TAB2: variants seen among roughly 807,000 people sequenced by gnomAD.
TAB2 encodes TGF-beta-activated kinase 1 and MAP3K7-binding protein 2.
TAB2 carries 3 observed loss-of-function variants against 65.0 expected under a neutral mutation model. That is an observed-to-expected ratio of 0.05 (90% CI 0.02 to 0.12). The LOEUF is 0.12. TAB2 is among the 10% of genes least tolerant of loss of function. The pLI is 1.00. For missense variants in TAB2, 623 were observed against 840.3 expected (o/e 0.74, Z 3.20); for synonymous variants, 298 against 285.1 (o/e 1.05, Z -0.46).
intron 1 of TAB2, among the ~76,000 whole-genome samples, chr6:149,303,161 T>C (rs1225337846): frequency 6.6e-6 from 1 of 152,244 alleles, no homozygotes; most frequent in Non-Finnish European, 1.5e-5. Flanking sequence ...AGGGCTCCCA[T>C]TGATTCTACA....
intron 1 of TAB2, among the ~76,000 whole-genome samples, chr6:149,332,090 G>C (rs973254694): frequency 6.6e-6 from 1 of 152,166 alleles, no homozygotes; most frequent in South Asian, 2.1e-4. Context: ...CAAGCAATTG[G>C]AAGTATGGAG....
intron 1 of TAB2, among the ~76,000 whole-genome samples, chr6:149,271,445 G>A (rs1021360752): frequency 1.3e-5 from 2 of 152,016 alleles, no homozygotes; most frequent in Non-Finnish European, 2.9e-5. Context: ...ATTACCCTCG[G>A]GCCTATTGTT....
At chr6:149,294,368 A>G (rs1356814908) in intron 1 of TAB2, among the ~76,000 whole-genome samples, 3 of 152,122 alleles carry the variant, frequency 2.0e-5, no homozygotes, top group Non-Finnish European at 4.4e-5. Flanking sequence ...TTCTCAGGAC[A>G]CCAATTATAT....
chr6:149,340,759 A>C (rs1780095949), intron 1 of TAB2, among the ~76,000 whole-genome samples: 1 of 152,160 alleles, frequency 6.6e-6, no homozygotes, highest in Non-Finnish European at 1.5e-5. Context: ...TTATCATCTA[A>C]GTTTTAGTAT....
chr6:149,319,393 G>C (rs181750195), intron 1 of TAB2, among the ~76,000 whole-genome samples: 3 of 152,158 alleles, frequency 2.0e-5, no homozygotes, highest in Non-Finnish European at 1.5e-5. Flanking sequence ...TTGAAACCAT[G>C]GCAGTTTGTA....
chr6:149,356,009 C>T (rs575280324), intron 1 of TAB2, among the ~76,000 whole-genome samples: 1 of 152,222 alleles, frequency 6.6e-6, no homozygotes, highest in South Asian at 2.1e-4. Context: ...TTGAAAGGCT[C>T]TTTGAGAAGT....
At chr6:149,298,133 A>G (rs1317790515) in intron 1 of TAB2, among the ~76,000 whole-genome samples, 1 of 152,178 alleles carries the variant, frequency 6.6e-6, no homozygotes, top group Non-Finnish European at 1.5e-5. Context: ...AAAATTAAGC[A>G]GTCTTAAAGG....
At chr6:149,373,257 A>T (rs1274693284) in intron 2 of TAB2, among the ~76,000 whole-genome samples, 1 of 152,136 alleles carries the variant, frequency 6.6e-6, no homozygotes, top group Non-Finnish European at 1.5e-5. Context: ...TTTTAACTTA[A>T]TTTTTTACCG....
intron 1 of TAB2, among the ~76,000 whole-genome samples, chr6:149,235,765 C>T (rs1004310927): frequency 2.0e-5 from 3 of 152,182 alleles, no homozygotes; most frequent in African/African-American, 7.2e-5. Context: ...GTCCTAGGAG[C>T]GTGAATTTCA....
chr6:149,392,512 C>T (rs1782024272), intron 3 of TAB2, among the ~76,000 whole-genome samples: 1 of 152,144 alleles, frequency 6.6e-6, no homozygotes, highest in African/African-American at 2.4e-5. Context: ...TGTGTTCTGG[C>T]CCTTTCCTAA....
In TAB2 at chr6:149,409,067, C is replaced by T. The variant is rs372596552; in HGVS notation, c.1940-510C>T. 1.2e-4 allele frequency among the ~76,000 whole-genome samples: 18 copies of T among 152,176 alleles called. No homozygotes were observed. In the East Asian group the frequency reaches 1.7e-3, roughly 15 times the overall value. ...ACTTCTCCAGAGTCTGTGGATAAGA[C>T]GTTAGATACTAGTTTATATTTTATT... On this transcript the variant is annotated intron_variant, in intron 6 of 6. Transcript: ENST00000637181.
chr6:149,262,865 A>G (rs1277517491), intron 1 of TAB2, among the ~76,000 whole-genome samples: 1 of 151,596 alleles, frequency 6.6e-6, no homozygotes, highest in East Asian at 1.9e-4. Context: ...GTGCTGTGGC[A>G]CGATTGTAGC....
At chr6:149,268,001 A>G (rs1346965437) in intron 1 of TAB2, among the ~76,000 whole-genome samples, 1 of 152,242 alleles carries the variant, frequency 6.6e-6, no homozygotes, top group Non-Finnish European at 1.5e-5. Flanking sequence ...AAAACAAAAT[A>G]TGAAAATCAA....
At chr6:149,377,278 C>G (rs1466881586) in intron 2 of TAB2, among the ~76,000 whole-genome samples, 1 of 151,428 alleles carries the variant, frequency 6.6e-6, no homozygotes, top group Non-Finnish European at 1.5e-5. Context: ...TCACCGTGGT[C>G]TCGATCTCCT....
intron 1 of TAB2, among the ~76,000 whole-genome samples, chr6:149,282,717 G>A (rs1778596180): frequency 6.6e-6 from 1 of 152,194 alleles, no homozygotes; most frequent in African/African-American, 2.4e-5. Context: ...TAGGGCAACA[G>A]TCAGAACAAA....
At chr6:149,403,295 C>CATATATATAT (rs1190885445) in intron 6 of TAB2, among the ~76,000 whole-genome samples, 2 of 76,440 alleles carry the variant, frequency 2.6e-5, no homozygotes, top group Non-Finnish European at 2.4e-5. Context: ...CACACACACA[C>CATATATATAT]ATATATATAT....
At chr6:149,294,795 A>C (rs1310305812) in intron 1 of TAB2, among the ~76,000 whole-genome samples, 1 of 152,228 alleles carries the variant, frequency 6.6e-6, no homozygotes, top group Non-Finnish European at 1.5e-5. Flanking sequence ...GTTCTGGTGC[A>C]AATTCTCCCA....
intron 1 of TAB2, among the ~76,000 whole-genome samples, chr6:149,231,540 T>C (rs114154116): frequency 6.6e-6 from 1 of 152,356 alleles, no homozygotes; most frequent in African/African-American, 2.4e-5. Context: ...CTAAAGTAAG[T>C]TGAACACGCT....
At chr6:149,242,692 A>G (rs79041158) in intron 1 of TAB2, among the ~76,000 whole-genome samples, 3,962 of 152,284 alleles carry the variant, frequency 0.026, 186 homozygotes, top group African/African-American at 0.09. Flanking sequence ...AAGTCTATGA[A>G]TCCCAAGATA....
Sources: gnomAD v4.1 joint callset for allele counts (sites outside exome capture counted in the v4.1 genomes callset) on GRCh38, gnomAD v4.1.1 for gene constraint, MANE v1.5 for transcripts, NCBI Gene and HGNC (gene_info 2026-07-23, HGNC 2026-07-21) for gene names.